The following RAB3B variants were observed in gnomAD, a reference collection of about 807,000 sequenced individuals.
The protein encoded by RAB3B is RAB3B, member RAS oncogene family.
A neutral mutation model predicts 20.5 loss-of-function variants in RAB3B; 11 were observed. The observed-to-expected ratio is 0.54, with a 90% CI of 0.34 to 0.89. The LOEUF is 0.89. RAB3B is among the 40% of genes least tolerant of loss of function. The pLI, the probability that RAB3B is intolerant of heterozygous loss-of-function variation, is 0.02. For synonymous variants in RAB3B, 99 were observed against 106.3 expected, an observed-to-expected ratio of 0.93 and a Z score of 0.42; for missense variants, 225 against 280.9, an observed-to-expected ratio of 0.80 and a Z score of 1.42.
At chr1:51,935,433 G>A (rs954368855) in intron 3 of RAB3B, among the ~76,000 whole-genome samples, 6 of 152,196 alleles carry the variant, frequency 3.9e-5, no homozygotes, top group African/African-American at 1.4e-4. Context: ...TCAAAGGCCA[G>A]GGCTTGGGAG....
At chr1:51,936,617 C>G (rs889792859) in intron 3 of RAB3B, among the ~76,000 whole-genome samples, 8 of 152,136 alleles carry the variant, frequency 5.3e-5, no homozygotes, top group African/African-American at 1.9e-4. Flanking sequence ...CACATCTGTA[C>G]TCATTTTCTG....
rs762729747 is a variant in RAB3B, at chr1:51,937,302, G to A, written c.339C>T (p.Val113=). Residue 113 remains valine, a synonymous_variant, in exon 3 of 5, where the codon GTC becomes GTT. Transcript: ENST00000371655. ...GAATATGGGTCTCATACCAGTCTTG[G>A]ACAGCATTGAAGGACTCTTCATTGG... ...DITNEESFNA[V]QDWATQIKTY... 3 of 1,603,636 alleles carry A rather than the reference G, an allele frequency of 1.9e-6. No individual in the cohort carries two copies. Among genetic ancestry groups the A allele is most frequent in the Non-Finnish European group, 2.6e-6 (3 of 1,172,120 alleles).
chr1:51,964,040 T>A (rs1168276606), intron 2 of RAB3B, among the ~76,000 whole-genome samples: 2 of 152,194 alleles, frequency 1.3e-5, no homozygotes, highest in Non-Finnish European at 2.9e-5. Context: ...CCCATTCACC[T>A]TCAGCTACCA....
chr1:51,952,979 T>A (rs1684659960), intron 2 of RAB3B, among the ~76,000 whole-genome samples: 2 of 152,198 alleles, frequency 1.3e-5, no homozygotes, highest in African/African-American at 4.8e-5. Flanking sequence ...GCTGGGCATC[T>A]CCACTTAGCC....
intron 2 of RAB3B, among the ~76,000 whole-genome samples, chr1:51,953,130 C>A (rs1220117193): frequency 1.3e-5 from 2 of 152,192 alleles, no homozygotes; most frequent in African/African-American, 4.8e-5. Flanking sequence ...CAGAATGAAC[C>A]ATCATTCATA....
chr1:51,967,867 C>T (rs1263108482), intron 2 of RAB3B, among the ~76,000 whole-genome samples: 2 of 151,946 alleles, frequency 1.3e-5, no homozygotes, highest in South Asian at 2.1e-4. Context: ...ATAATAGTCT[C>T]CCAAATATAT....
intron 2 of RAB3B, among the ~76,000 whole-genome samples, chr1:51,968,433 G>A (rs1684885380): frequency 6.6e-6 from 1 of 152,190 alleles, no homozygotes; most frequent in East Asian, 1.9e-4. Context: ...ATCAGAACAA[G>A]AGAGCTATGG....
chr1:51,978,629 T>C (rs1442387392), intron 1 of RAB3B, among the ~76,000 whole-genome samples: 1 of 152,228 alleles, frequency 6.6e-6, no homozygotes, highest in Admixed American at 6.5e-5. Flanking sequence ...GCTTCTCCTA[T>C]GTCTTGGAAG....
chr1:51,928,799 A>G (rs936351373), intron 4 of RAB3B, among the ~76,000 whole-genome samples: 49 of 151,660 alleles, frequency 3.2e-4, no homozygotes, highest in African/African-American at 1.2e-3. Flanking sequence ...TTTAACCCAC[A>G]TTGGGACTAT....
At chr1:51,960,427 C>T (rs987383602) in intron 2 of RAB3B, among the ~76,000 whole-genome samples, 2 of 152,190 alleles carry the variant, frequency 1.3e-5, no homozygotes, top group Non-Finnish European at 1.5e-5. Flanking sequence ...GTCATTAGCA[C>T]AGAGCTGACA....
intron 1 of RAB3B, among the ~76,000 whole-genome samples, chr1:51,988,052 A>AT (rs377053140): frequency 0.054 from 8,143 of 151,438 alleles, 264 homozygotes; most frequent in East Asian, 0.13. Flanking sequence ...CCACCATGGT[A>AT]TTTTTTTTAA....
intron 2 of RAB3B, among the ~76,000 whole-genome samples, chr1:51,962,954 C>T (rs1156936455): frequency 1.3e-5 from 2 of 152,124 alleles, no homozygotes; most frequent in Non-Finnish European, 2.9e-5. Context: ...CAAAACACCT[C>T]CAGCTTTCAA....
Position 51,970,864 on chromosome 1 carries a change from A to G in RAB3B, c.228+6026T>C, listed in dbSNP as rs1041076503. ...ACTAAAAATACAAAAAAAAAAAATTAGCTGGGCTTGGTGGCTGGGACCTGT... is the reference window on the plus strand; with the variant it reads ...ACTAAAAATACAAAAAAAAAAAATTGGCTGGGCTTGGTGGCTGGGACCTGT... On this transcript the variant is annotated intron_variant, in intron 2 of 4. Coordinates refer to ENST00000371655, the MANE Select transcript of RAB3B (RefSeq NM_002867.4). 3.9e-4 allele frequency among the ~76,000 whole-genome samples: 59 copies of G among 151,514 alleles called. 3 individuals are homozygous for G. The highest frequency in any genetic ancestry group is 1.5e-5 in the Non-Finnish European group (1 of 67,908).
rs1158107373 is a variant in RAB3B at position 51,917,978 on chromosome 1, G to A, written c.*1949C>T. On this transcript the variant is annotated 3_prime_UTR_variant, in exon 5 of 5. Coordinates refer to ENST00000371655, the MANE Select transcript of RAB3B (RefSeq NM_002867.4). ...CCCGCTGACTTTTGAGGTGGCTGAGGATTCAGGCCATGATAGAGAAGAAAG... is the reference window on the plus strand; with the variant it reads ...CCCGCTGACTTTTGAGGTGGCTGAGAATTCAGGCCATGATAGAGAAGAAAG... The A allele has an allele frequency of 6.6e-6, 1 of 152,222 alleles. No individual in the cohort carries two copies. Among genetic ancestry groups the A allele is most frequent in the African/African-American group, 2.4e-5 (1 of 41,460 alleles). 9.4% of individuals were successfully genotyped at this position (152,222 alleles called of 1,614,324 possible). A position where few individuals can be genotyped will look rare whatever the true frequency, so the allele number is the denominator to read the frequency against.
intron 1 of RAB3B, among the ~76,000 whole-genome samples, chr1:51,989,939 C>G (rs1571985169): frequency 6.6e-6 from 1 of 150,858 alleles, no homozygotes; most frequent in Non-Finnish European, 1.5e-5. Context: ...CTGCCTTTCT[C>G]CTTCCCAGCT....
intron 1 of RAB3B, among the ~76,000 whole-genome samples, chr1:51,984,707 T>C (rs991389823): frequency 6.6e-6 from 1 of 152,218 alleles, no homozygotes; most frequent in Non-Finnish European, 1.5e-5. Flanking sequence ...TTTCTTTACA[T>C]AAATTTTTGT....
At chr1:51,964,776 C>G (rs772039359) in intron 2 of RAB3B, among the ~76,000 whole-genome samples, 1 of 152,194 alleles carries the variant, frequency 6.6e-6, no homozygotes, top group Non-Finnish European at 1.5e-5. Flanking sequence ...TCTGACTACT[C>G]TCACTACTAC....
chr1:51,980,801 C>A (rs922554980), intron 1 of RAB3B: 9 of 749,440 alleles, frequency 1.2e-5, no homozygotes, highest in Non-Finnish European at 2.2e-5. Flanking sequence ...GCCCCACGAC[C>A]CCCACCAAAG....
intron 2 of RAB3B, among the ~76,000 whole-genome samples, chr1:51,965,030 T>C (rs1684829893): frequency 6.6e-6 from 1 of 152,128 alleles, no homozygotes; most frequent in South Asian, 2.1e-4. Context: ...GACCAGGAGT[T>C]CAAGACCAGC....
Sources: allele counts gnomAD v4.1 joint callset (sites outside exome capture counted in the v4.1 genomes callset), GRCh38; gene constraint gnomAD v4.1.1; transcripts MANE v1.5; gene names NCBI Gene and HGNC (gene_info 2026-07-23, HGNC 2026-07-21).